DDAH1: variants seen among roughly 807,000 people sequenced by gnomAD.
The protein encoded by DDAH1 is dimethylarginine dimethylaminohydrolase 1.
Under a neutral mutation model 28.8 loss-of-function variants are expected in DDAH1, and 19 were observed. That is an observed-to-expected ratio of 0.66 (90% CI 0.46 to 0.97). The LOEUF (loss-of-function observed/expected upper bound fraction) is 0.97. Among genes scored for constraint, DDAH1 ranks in the 50% least tolerant of loss-of-function variants. The pLI is 0.00. For missense variants in DDAH1, 326 were observed against 375.9 expected, an observed-to-expected ratio of 0.87 and a Z score of 1.10; for synonymous variants, 153 against 154.4, an observed-to-expected ratio of 0.99 and a Z score of 0.07.
chr1:85,498,628 A>G (rs1405706036), intron 1 of DDAH1, among the ~76,000 whole-genome samples: 1 of 152,170 alleles, frequency 6.6e-6, no homozygotes, highest in African/African-American at 2.4e-5. Context: ...AAATATTAAA[A>G]CATTTTCGAG....
At chr1:85,392,440 C>T (rs12033483) in intron 1 of DDAH1, among the ~76,000 whole-genome samples, 19,838 of 152,076 alleles carry the variant, frequency 0.13, 1,574 homozygotes, top group South Asian at 0.29. Context: ...CTTCAACATA[C>T]GAATTCTGAG....
chr1:85,406,801 GA>G (rs1435909136), intron 1 of DDAH1, among the ~76,000 whole-genome samples: 1 of 151,814 alleles, frequency 6.6e-6, no homozygotes, highest in Non-Finnish European at 1.5e-5. Flanking sequence ...AGGGCAAGCT[GA>G]AAAAATTACA....
At chr1:85,479,841 A>G (rs760215714) in intron 2 of DDAH1, among the ~76,000 whole-genome samples, 6 of 152,048 alleles carry the variant, frequency 3.9e-5, no homozygotes, top group Admixed American at 1.3e-4. Context: ...ATGCTGGGCC[A>G]GGCTAATCAC....
At chr1:85,578,190 G>A (rs1659665531) in exon 1 of DDAH1, 2 of 158,160 alleles carry the variant, frequency 1.3e-5, no homozygotes, top group African/African-American at 2.4e-5. Context: ...GTGCACATAG[G>A]TTACTCTAGT....
At chr1:85,577,664 G>T (rs904658142) in intron 1 of DDAH1, among the ~76,000 whole-genome samples, 1 of 151,990 alleles carries the variant, frequency 6.6e-6, no homozygotes, top group African/African-American at 2.4e-5. Flanking sequence ...TCGGATGCAC[G>T]CTAGTCTGAG....
chr1:85,556,307 G>A (rs1658967141), intron 1 of DDAH1, among the ~76,000 whole-genome samples: 1 of 152,122 alleles, frequency 6.6e-6, no homozygotes, highest in Non-Finnish European at 1.5e-5. Flanking sequence ...CTCTTCTCCT[G>A]GTGGTTATTT....
At chr1:85,441,490 G>A (rs1379658422) in intron 1 of DDAH1, among the ~76,000 whole-genome samples, 5 of 151,868 alleles carry the variant, frequency 3.3e-5, no homozygotes, top group Admixed American at 6.6e-5. Context: ...GCAGTGAGCC[G>A]AGATCATGCC....
chr1:85,352,849 A>C (rs540211122), intron 2 of DDAH1, among the ~76,000 whole-genome samples: 40 of 151,920 alleles, frequency 2.6e-4, no homozygotes, highest in Admixed American at 7.9e-4. Context: ...TGAACCTATC[A>C]ACATTGTTAA....
rs1288741408 is a variant in DDAH1 at position 85,436,556 on chromosome 1, C to T, written c.303+28187G>A. On this transcript the variant is annotated intron_variant, in intron 1 of 5. Coordinates refer to ENST00000284031, the MANE Select transcript of DDAH1 (RefSeq NM_012137.4). ...TAGCAATCTGGGACACTATGAACCT[C>T]AGTCAGAGCTGGCTCAGGCACAAAG... Among the ~76,000 whole-genome samples the T allele has an allele frequency of 2.0e-5, 3 of 152,200 alleles. 1 individual carries two copies.
In DDAH1 at chr1:85,529,438, C is replaced by T. The variant is rs542298079; in HGVS notation, c.-122-33157G>A. 1.6e-4 allele frequency among the ~76,000 whole-genome samples: 24 copies of T among 151,828 alleles called. No individual in the cohort carries two copies. The East Asian group carries it at 4.5e-3, about 28-fold the overall frequency. On this transcript the variant is annotated intron_variant, in intron 1 of 6. Coordinates refer to the DDAH1 transcript ENST00000426972. ...ACTCCACACATGACAGTATAGATTC[C>T]CTGGACAGCAAAACAGACTGTTCTA... is the stretch of plus-strand genomic sequence containing the variant.
chr1:85,403,634 G>A (rs1403485594), intron 1 of DDAH1, among the ~76,000 whole-genome samples: 1 of 152,148 alleles, frequency 6.6e-6, no homozygotes, highest in Non-Finnish European at 1.5e-5. Context: ...TCTTAAGGCT[G>A]GCTGTGGTTC....
At chr1:85,467,980 T>C (rs1021700977), upstream of DDAH1, among the ~76,000 whole-genome samples, 3 of 152,086 alleles carry the variant, frequency 2.0e-5, no homozygotes, top group African/African-American at 7.2e-5. Context: ...ATCTCTATGG[T>C]GGGTGGGAGT....
intron 1 of DDAH1, among the ~76,000 whole-genome samples, chr1:85,360,181 A>T (rs1649712227): frequency 1.3e-5 from 2 of 152,220 alleles, no homozygotes; most frequent in African/African-American, 4.8e-5. Flanking sequence ...CTTTGACAAC[A>T]AGCCTGACAT....
chr1:85,337,739 G>A lies in DDAH1; in HGVS notation c.597+12676C>T, dbSNP rs898129943. Among the ~76,000 whole-genome samples the A allele has an allele frequency of 2.4e-4, 36 of 151,928 alleles. 1 individual carries two copies. Among genetic ancestry groups the A allele is most frequent in the African/African-American group, 7.5e-4 (31 of 41,372 alleles). On this transcript the variant is annotated intron_variant, in intron 4 of 5. Transcript: ENST00000284031. The stretch of plus-strand genomic sequence containing the variant: ...AGTCCTGGCATGAGCCACCACACCC[G>A]GCCAATAAAATTAATTTTTTCAAAA...
intron 1 of DDAH1, among the ~76,000 whole-genome samples, chr1:85,453,189 A>C (rs543728255): frequency 6.6e-6 from 1 of 152,282 alleles, no homozygotes; most frequent in African/African-American, 2.4e-5. Flanking sequence ...AAAATGTTCT[A>C]ACTTAAATCC....
chr1:85,409,462 A>C (rs1652547505), intron 1 of DDAH1, among the ~76,000 whole-genome samples: 1 of 152,246 alleles, frequency 6.6e-6, no homozygotes, highest in Non-Finnish European at 1.5e-5. Context: ...TTCACAGTCT[A>C]ACTTCCCAAT....
Position 85,464,758 on chromosome 1 carries a change from C to G in DDAH1, c.288G>C (p.Pro96=). 6.4e-7 allele frequency: 1 copy of G among 1,551,860 alleles called. No individual in the cohort carries two copies. The highest frequency in any genetic ancestry group is 8.7e-7 in the Non-Finnish European group (1 of 1,154,338). Residue 96 remains proline (P), a synonymous_variant, in exon 1 of 6, where the codon CCG becomes CCC. Coordinates refer to ENST00000284031, the MANE Select transcript of DDAH1 (RefSeq NM_012137.4). The surrounding 1 kb of genome is among the most constrained non-coding windows in gnomAD (Gnocchi z 4.4). ...CGGCAGTTACCTCCTTCCTCCGGCT[C>G]GGCGCCCCGGGTCGGGTGATGAGGG... ...ETALITRPGA[P]SRRKEVDMMK...
intron 2 of DDAH1, among the ~76,000 whole-genome samples, chr1:85,476,917 T>C (rs1265970765): frequency 6.6e-6 from 1 of 152,172 alleles, no homozygotes; most frequent in Non-Finnish European, 1.5e-5. Context: ...CACTGACTAG[T>C]AGTAGGTGCT....
chr1:85,364,779 G>GGT (rs990442000), intron 1 of DDAH1, among the ~76,000 whole-genome samples: 4 of 152,068 alleles, frequency 2.6e-5, no homozygotes, highest in Non-Finnish European at 4.4e-5. Flanking sequence ...CCTGACCTTA[G>GGT]GTGTTCCGCC....
Sources: gnomAD v4.1 joint callset for allele counts (sites outside exome capture counted in the v4.1 genomes callset) on GRCh38, gnomAD v4.1.1 for gene constraint, Gnocchi (gnomAD v3.1) non-coding constraint, MANE v1.5 for transcripts, NCBI Gene and HGNC (gene_info 2026-07-23, HGNC 2026-07-21) for gene names.